PTPRN2: variants seen among roughly 807,000 people sequenced by gnomAD.
PTPRN2 encodes the protein receptor-type tyrosine-protein phosphatase N2.
In PTPRN2, 74 loss-of-function variants were observed where a neutral mutation model predicts 118.8. The ratio of observed to expected loss-of-function variants is 0.62; its 90% confidence interval spans 0.52 to 0.76. PTPRN2 has a LOEUF of 0.76. PTPRN2 is among the 30% of genes least tolerant of loss of function. The pLI, the probability that PTPRN2 is intolerant of heterozygous loss-of-function variation, is 0.00. For missense variants in PTPRN2, 1,481 were observed against 1,394.4 expected (o/e 1.06, Z -0.99); for synonymous variants, 641 against 608.0 (o/e 1.05, Z -0.80).
chr7:157,550,528 C>T lies in PTPRN2; in HGVS notation c.2903-1509G>A, dbSNP rs1563204301. Reference sequence around the variant, plus strand: ...CGAGATGACCACCCCACCTGCCCTGCCTGGCTGGTGGGTCTCCCCACCTTT... The same window carrying T: ...CGAGATGACCACCCCACCTGCCCTGTCTGGCTGGTGGGTCTCCCCACCTTT... On this transcript the variant is annotated intron_variant, in intron 21 of 22. Coordinates refer to ENST00000389418, the MANE Select transcript of PTPRN2 (RefSeq NM_002847.5). This position sits in a 1 kb window ranked among gnomAD's most constrained non-coding sequence, Gnocchi z 5.2. Among the ~76,000 whole-genome samples, 1 of 152,232 alleles carries T rather than the reference C, an allele frequency of 6.6e-6. No homozygotes were observed. The highest frequency in any genetic ancestry group is 1.5e-5 in the Non-Finnish European group (1 of 68,032).
intron 17 of PTPRN2, 138 bp from the exon 18 acceptor site, chr7:157,578,278 C>T: frequency 9.2e-7 from 1 of 1,084,106 alleles, no homozygotes; most frequent in Admixed American, 2.7e-5. Context: ...GACATGTTTA[C>T]TCCGCAGCTG....
intron 11 of PTPRN2, among the ~76,000 whole-genome samples, chr7:157,912,369 C>T (rs1798150195): frequency 6.6e-6 from 1 of 152,140 alleles, no homozygotes; most frequent in South Asian, 2.1e-4. Context: ...GGTTATTTGT[C>T]TTTTTCTTAC....
chr7:157,781,233 A>G (rs1803661080), intron 12 of PTPRN2, among the ~76,000 whole-genome samples: 1 of 152,194 alleles, frequency 6.6e-6, no homozygotes. Flanking sequence ...TTGATTTGAT[A>G]TATTACACAT....
intron 21 of PTPRN2, among the ~76,000 whole-genome samples, chr7:157,559,900 G>A (rs534765048): frequency 7.2e-5 from 11 of 152,222 alleles, no homozygotes; most frequent in African/African-American, 2.6e-4. Context: ...CTCCCTCGCT[G>A]TGGCCTCATC....
chr7:157,766,454 C>T (rs1383521395), intron 12 of PTPRN2, among the ~76,000 whole-genome samples: 1 of 152,180 alleles, frequency 6.6e-6, no homozygotes, highest in Non-Finnish European at 1.5e-5. Context: ...ATCCTTCTTT[C>T]CTCCATCCAT....
chr7:158,003,228 C>T lies in PTPRN2; in HGVS notation c.1723+78070G>A, dbSNP rs1468936249. The stretch of plus-strand genomic sequence containing the variant: ...AGGAGATCGAGACCATCTTGGCTAA[C>T]ACGGTGAAACCCCGTTTCTACTAAA... On this transcript the variant is annotated intron_variant, in intron 11 of 22. Transcript: ENST00000389418. This position sits in a 1 kb window ranked among gnomAD's most constrained non-coding sequence, Gnocchi z 5.0. 6.6e-6 allele frequency among the ~76,000 whole-genome samples: 1 copy of T among 151,818 alleles called. No individual in the cohort carries two copies. The highest frequency in any genetic ancestry group is 2.4e-5 in the African/African-American group (1 of 41,310).
At chr7:157,935,215 T>C (rs1221009455) in intron 11 of PTPRN2, among the ~76,000 whole-genome samples, 2 of 152,234 alleles carry the variant, frequency 1.3e-5, no homozygotes, top group Non-Finnish European at 2.9e-5. Context: ...TGGTTTTGAA[T>C]ATTAATTCTT....
At chr7:158,164,747 T>A (rs1314911311) in intron 6 of PTPRN2, among the ~76,000 whole-genome samples, 1 of 151,968 alleles carries the variant, frequency 6.6e-6, no homozygotes, top group Non-Finnish European at 1.5e-5. Context: ...AAAGGGAGGT[T>A]AGAGAAGGAA....
At chr7:158,514,291 G>A (rs574324194) in intron 1 of PTPRN2, among the ~76,000 whole-genome samples, 3 of 152,244 alleles carry the variant, frequency 2.0e-5, no homozygotes, top group African/African-American at 7.2e-5. Context: ...CAATGAGGAG[G>A]GATGGCCACG....
At chr7:158,146,474 C>A (rs982833759) in intron 6 of PTPRN2, among the ~76,000 whole-genome samples, 2 of 152,002 alleles carry the variant, frequency 1.3e-5, no homozygotes, top group Admixed American at 6.6e-5. Flanking sequence ...GTAATCCCAG[C>A]ACTTTGGGAC....
intron 1 of PTPRN2, among the ~76,000 whole-genome samples, chr7:158,540,110 G>C (rs980309169): frequency 6.6e-6 from 1 of 152,182 alleles, no homozygotes; most frequent in Admixed American, 6.5e-5. Flanking sequence ...CTGCTGCAGC[G>C]GGTGCCTGAG....
chr7:158,392,872 G>A (rs948328691), intron 2 of PTPRN2, among the ~76,000 whole-genome samples: 5 of 152,130 alleles, frequency 3.3e-5, no homozygotes, highest in African/African-American at 4.8e-5. Flanking sequence ...AGCCCCTCTC[G>A]GTAGAATTTT....
intron 11 of PTPRN2, among the ~76,000 whole-genome samples, chr7:157,948,178 T>A (rs2128798360): frequency 6.6e-6 from 1 of 152,384 alleles, no homozygotes; most frequent in African/African-American, 2.4e-5. Flanking sequence ...CCCAGTATTG[T>A]AGCTTTGGTT....
intron 2 of PTPRN2, among the ~76,000 whole-genome samples, chr7:158,465,634 T>C (rs1047143984): frequency 6.6e-6 from 1 of 152,200 alleles, no homozygotes; most frequent in Non-Finnish European, 1.5e-5. Flanking sequence ...AGTCAGTACT[T>C]GGAAGCACTG....
intron 2 of PTPRN2, among the ~76,000 whole-genome samples, chr7:158,348,891 CCTGAGGGCACTG>C (rs1470694474): frequency 6.6e-6 from 1 of 151,160 alleles, no homozygotes; most frequent in Non-Finnish European, 1.5e-5. Flanking sequence ...CTGGGTGGTC[CCTGAGGGCACTG>C]CTGAGGGTGG....
At chr7:158,182,568 G>A (rs914694774) in intron 5 of PTPRN2, among the ~76,000 whole-genome samples, 12 of 152,136 alleles carry the variant, frequency 7.9e-5, no homozygotes, top group African/African-American at 2.7e-4. Context: ...GTGAGAACAT[G>A]CAGTGTTTGA....
chr7:158,485,126 G>T (rs1242895782), intron 2 of PTPRN2, among the ~76,000 whole-genome samples: 1 of 152,072 alleles, frequency 6.6e-6, no homozygotes. Flanking sequence ...CTTGTGGGTC[G>T]TCACAGCATA....
chr7:157,649,189 C>T (rs1805425002), intron 14 of PTPRN2, among the ~76,000 whole-genome samples: 1 of 106,456 alleles, frequency 9.4e-6, no homozygotes, highest in Non-Finnish European at 2.0e-5. Context: ...GACCCATTCG[C>T]TGTGCACTGA....
At chr7:158,108,528 T>C (rs754035735) in intron 10 of PTPRN2, among the ~76,000 whole-genome samples, 4 of 152,158 alleles carry the variant, frequency 2.6e-5, no homozygotes, top group Non-Finnish European at 4.4e-5. Context: ...GAGCCCCCTG[T>C]CCCTCCACAT....
Sources: allele counts gnomAD v4.1 joint callset (sites outside exome capture counted in the v4.1 genomes callset), GRCh38; gene constraint gnomAD v4.1.1; non-coding constraint Gnocchi (gnomAD v3.1); transcripts MANE v1.5; gene names NCBI Gene and HGNC (gene_info 2026-07-23, HGNC 2026-07-21).